Variants in MACROD2 observed in about 807,000 individuals in gnomAD.
The protein encoded by MACROD2 is mono-ADP ribosylhydrolase 2.
In MACROD2, 36 loss-of-function variants were observed where a neutral mutation model predicts 70.4. That is an observed-to-expected ratio of 0.51 (90% confidence interval 0.39 to 0.68). The LOEUF (loss-of-function observed/expected upper bound fraction) is 0.68, where lower values mean the gene tolerates loss of function less well. MACROD2 is among the 30% of genes least tolerant of loss of function. MACROD2 has a pLI of 0.00. For missense variants in MACROD2, 496 were observed against 538.4 expected, an observed-to-expected ratio of 0.92 and a Z score of 0.78; for synonymous variants, 172 against 178.8, an observed-to-expected ratio of 0.96 and a Z score of 0.30.
chr20:16,034,417 G>A lies in MACROD2; in HGVS notation c.1154-6784G>A, dbSNP rs149442721. 1.8e-3 allele frequency among the ~76,000 whole-genome samples: 275 copies of A among 151,992 alleles called. 4 individuals are homozygous for A. In the East Asian group the frequency reaches 0.039, roughly 21 times the overall value. ...TAGACAGTGAACTGGGAAGTCTAGG[G>A]GAAAATGAAATCTAATTGAGCTCAT... is the stretch of plus-strand genomic sequence containing the variant. On this transcript the variant is annotated intron_variant, in intron 15 of 17. Coordinates refer to ENST00000684519, the MANE Select transcript of MACROD2 (RefSeq NM_001351661.2).
At chr20:15,194,245 C>CAAAAAA (rs71190180) in intron 5 of MACROD2, among the ~76,000 whole-genome samples, 6 of 49,840 alleles carry the variant, frequency 1.2e-4, no homozygotes, top group African/African-American at 1.8e-4. Context: ...CACTCTGTCT[C>CAAAAAA]AAAAAAAAAA....
chr20:14,106,977 G>A (rs2054377912), intron 3 of MACROD2, among the ~76,000 whole-genome samples: 1 of 152,124 alleles, frequency 6.6e-6, no homozygotes. Flanking sequence ...TAATTCTTTA[G>A]TGCCCAGACA....
intron 7 of MACROD2, among the ~76,000 whole-genome samples, chr20:15,460,663 A>G (rs975278877): frequency 6.6e-5 from 10 of 152,098 alleles, no homozygotes; most frequent in Non-Finnish European, 1.5e-4. Flanking sequence ...TCAGCCCTTC[A>G]AAACCTATGT....
intron 5 of MACROD2, among the ~76,000 whole-genome samples, chr20:14,990,619 T>C (rs2074894255): frequency 6.6e-6 from 1 of 150,482 alleles, no homozygotes; most frequent in Non-Finnish European, 1.5e-5. Context: ...GTTGAAGCAA[T>C]TCTCCTGCCT....
At chr20:15,810,221 T>A (rs554231019) in intron 8 of MACROD2, among the ~76,000 whole-genome samples, 4 of 151,982 alleles carry the variant, frequency 2.6e-5, no homozygotes, top group Non-Finnish European at 4.4e-5. Flanking sequence ...TGCATAGTAT[T>A]CCATGGTGTA....
chr20:15,880,136 A>C (rs890730865), intron 9 of MACROD2, among the ~76,000 whole-genome samples: 29 of 152,038 alleles, frequency 1.9e-4, no homozygotes, highest in African/African-American at 7.0e-4. Flanking sequence ...CACACCCAGA[A>C]TAATGTTTGA....
intron 8 of MACROD2, among the ~76,000 whole-genome samples, chr20:15,534,976 A>G (rs923326773): frequency 2.0e-5 from 3 of 151,930 alleles, no homozygotes; most frequent in Non-Finnish European, 2.9e-5. Flanking sequence ...TATAAAAAAC[A>G]TATATATATG....
intron 4 of MACROD2, among the ~76,000 whole-genome samples, chr20:14,650,823 C>T (rs1164763054): frequency 1.3e-5 from 2 of 152,170 alleles, no homozygotes. Flanking sequence ...AGAAGCAGTT[C>T]TGAGTGAAAC....
intron 3 of MACROD2, among the ~76,000 whole-genome samples, chr20:14,218,875 G>T (rs986773542): frequency 2.0e-5 from 3 of 152,176 alleles, no homozygotes; most frequent in African/African-American, 4.8e-5. Context: ...ATTGCTTTTA[G>T]CCTGTAGGGT....
At chr20:15,900,145 AT>A (rs1406731501) in intron 10 of MACROD2, among the ~76,000 whole-genome samples, 1 of 152,058 alleles carries the variant, frequency 6.6e-6, no homozygotes, top group Non-Finnish European at 1.5e-5. Context: ...TTTTAATTTA[AT>A]TTTTTTGACA....
At chr20:14,063,083 A>G (rs1224180349) in intron 2 of MACROD2, among the ~76,000 whole-genome samples, 1 of 152,222 alleles carries the variant, frequency 6.6e-6, no homozygotes, top group African/African-American at 2.4e-5. Context: ...GATGTGTTCC[A>G]AGATACATAT....
chr20:14,775,449 T>G (rs139357775), intron 5 of MACROD2, among the ~76,000 whole-genome samples: 1 of 152,060 alleles, frequency 6.6e-6, no homozygotes, highest in East Asian at 1.9e-4. Context: ...GTATTTGACA[T>G]GATGAGAGAG....
chr20:14,771,844 C>A (rs1568787258), intron 5 of MACROD2, among the ~76,000 whole-genome samples: 1 of 151,216 alleles, frequency 6.6e-6, no homozygotes, highest in African/African-American at 2.4e-5. Context: ...ATAAGTAATT[C>A]TTTTTTTCTT....
At chr20:15,094,010 A>G (rs893262773) in intron 5 of MACROD2, among the ~76,000 whole-genome samples, 2 of 152,216 alleles carry the variant, frequency 1.3e-5, no homozygotes, top group African/African-American at 4.8e-5. Flanking sequence ...GGGTTGGTCA[A>G]ACATGGTTGT....
chr20:15,113,616 A>G (rs931961438), intron 5 of MACROD2, among the ~76,000 whole-genome samples: 15 of 152,146 alleles, frequency 9.9e-5, no homozygotes, highest in Non-Finnish European at 1.5e-4. Flanking sequence ...TGTGAATTGT[A>G]TCTAATCTGC....
At chr20:14,610,687 T>A (rs1329140416) in intron 4 of MACROD2, among the ~76,000 whole-genome samples, 1 of 152,126 alleles carries the variant, frequency 6.6e-6, no homozygotes, top group Non-Finnish European at 1.5e-5. Context: ...ATGACAGATT[T>A]TAATCAGTAA....
At chr20:14,028,690 C>G (rs2053209897) in intron 2 of MACROD2, among the ~76,000 whole-genome samples, 2 of 152,276 alleles carry the variant, frequency 1.3e-5, no homozygotes, top group South Asian at 4.1e-4. Context: ...TCTCCGACCC[C>G]TTGTGCTTTC....
intron 2 of MACROD2, among the ~76,000 whole-genome samples, chr20:14,038,933 A>G (rs888311170): frequency 2.0e-5 from 3 of 152,058 alleles, no homozygotes; most frequent in African/African-American, 4.8e-5. Context: ...ACCAGTCACC[A>G]TTTTTTTAAG....
chr20:14,337,775 A>G (rs2082965250), intron 3 of MACROD2, among the ~76,000 whole-genome samples: 1 of 152,210 alleles, frequency 6.6e-6, no homozygotes, highest in Admixed American at 6.5e-5. Context: ...GAGAGCAGCC[A>G]AAATGAAGCA....
Sources: gnomAD v4.1 joint callset for allele counts (sites outside exome capture counted in the v4.1 genomes callset) on GRCh38, gnomAD v4.1.1 for gene constraint, MANE v1.5 for transcripts, NCBI Gene and HGNC (gene_info 2026-07-23, HGNC 2026-07-21) for gene names.